GPR176: variants seen among roughly 807,000 people sequenced by gnomAD.
The protein encoded by GPR176 is G-protein coupled receptor 176.
A neutral mutation model predicts 35.4 loss-of-function variants in GPR176; 26 were observed. That is an observed-to-expected ratio of 0.74 (90% confidence interval 0.54 to 1.02). The LOEUF is 1.02. Ranked by LOEUF, GPR176 falls within the 50% of genes least tolerant of loss-of-function variation. The probability of loss-of-function intolerance (pLI) is 0.00; values close to 1 mark genes in which losing one functional copy is unlikely to be tolerated. For missense variants in GPR176, 597 were observed against 665.3 expected, an observed-to-expected ratio of 0.90 and a Z score of 1.13; for synonymous variants, 278 against 271.3, an observed-to-expected ratio of 1.02 and a Z score of -0.24.
chr15:39,884,051 C>T (rs1262683986), intron 1 of GPR176, among the ~76,000 whole-genome samples: 1 of 152,168 alleles, frequency 6.6e-6, no homozygotes, highest in Non-Finnish European at 1.5e-5. Flanking sequence ...AAAAGAACTC[C>T]AAACATCTCT....
chr15:39,843,230 C>A (rs1311438632), intron 1 of GPR176, among the ~76,000 whole-genome samples: 2 of 152,036 alleles, frequency 1.3e-5, no homozygotes, highest in Admixed American at 6.6e-5. Context: ...ATGTCCCATG[C>A]AAGTCCTAGA....
At position 39,910,488 on chromosome 15, in the gene GPR176, G is replaced by C. The variant is rs146762295; in HGVS notation, c.172+9367C>G. ...CAGGAGAATCACTTGAACCTTGGAG[G>C]GGGAGGTTGCAGTGAGCTGAGATCA... is the stretch of plus-strand genomic sequence containing the variant. On this transcript the variant is annotated intron_variant, in intron 1 of 2. Transcript: ENST00000561100. Among the ~76,000 whole-genome samples the C allele has an allele frequency of 2.7e-3, 406 of 152,048 alleles. 5 individuals are homozygous for C. The highest frequency in any genetic ancestry group is 0.023 in the East Asian group (117 of 5,166).
intron 1 of GPR176, among the ~76,000 whole-genome samples, chr15:39,892,996 A>G (rs2032931451): frequency 1.3e-5 from 2 of 152,230 alleles, no homozygotes; most frequent in Non-Finnish European, 2.9e-5. Context: ...TAAAATTACC[A>G]TACCATTTTA....
At chr15:39,839,071 T>A (rs1352529349) in intron 1 of GPR176, among the ~76,000 whole-genome samples, 3 of 152,182 alleles carry the variant, frequency 2.0e-5, no homozygotes, top group African/African-American at 7.2e-5. Flanking sequence ...CAAGGTAATT[T>A]ATAGATTCAG....
At position 39,801,566 on chromosome 15, in the gene GPR176, T is replaced by C. The variant is rs750891504; in HGVS notation, c.1114A>G (p.Met372Val). ...ATCTGCTGCTGCCCAATGTGGAACATCTCCAGGAGCTGGCTACCCGAGCGT... is the reference window on the plus strand; with the variant it reads ...ATCTGCTGCTGCCCAATGTGGAACACCTCCAGGAGCTGGCTACCCGAGCGT... Reference protein sequence around the residue: ...SIRSGSQLLEMFHIGQQQIFK... With the variant: ...SIRSGSQLLEVFHIGQQQIFK... Residue 372 changes from methionine to valine, a missense_variant, in exon 3 of 3, where the codon ATG (methionine) becomes GTG (valine). This residue lies in a region of GPR176 where 251 missense variants were observed against 255.4 expected (regional missense o/e 0.98). Coordinates refer to ENST00000561100, the MANE Select transcript of GPR176 (RefSeq NM_007223.3). The C allele has an allele frequency of 1.7e-5, 28 of 1,613,958 alleles. No individual in the cohort carries two copies. The highest frequency in any genetic ancestry group is 8.5e-7 in the Non-Finnish European group (1 of 1,179,966).
chr15:39,891,878 T>C (rs1476046967), intron 1 of GPR176, among the ~76,000 whole-genome samples: 2 of 152,130 alleles, frequency 1.3e-5, no homozygotes, highest in African/African-American at 4.8e-5. Flanking sequence ...ATACTAGTGC[T>C]CCAGGTAGAA....
chr15:39,861,580 T>C (rs1200963959), intron 1 of GPR176, among the ~76,000 whole-genome samples: 1 of 152,048 alleles, frequency 6.6e-6, no homozygotes, highest in Non-Finnish European at 1.5e-5. Flanking sequence ...TTAGTGTTGA[T>C]GTGTCTAAGA....
chr15:39,841,249 T>A (rs1484537738), intron 1 of GPR176, among the ~76,000 whole-genome samples: 1 of 152,148 alleles, frequency 6.6e-6, no homozygotes, highest in Non-Finnish European at 1.5e-5. Flanking sequence ...CCAATACATA[T>A]TGATGATGTC....
chr15:39,898,328 T>C (rs555883512), intron 1 of GPR176, among the ~76,000 whole-genome samples: 14 of 152,300 alleles, frequency 9.2e-5, no homozygotes, highest in Middle Eastern at 3.4e-3. Flanking sequence ...CACTACCATG[T>C]CAAGATAATA....
chr15:39,875,589 G>C (rs924242321), intron 1 of GPR176, among the ~76,000 whole-genome samples: 20 of 152,294 alleles, frequency 1.3e-4, no homozygotes, highest in Admixed American at 8.5e-4. Context: ...ACTGGATCAA[G>C]AGTCAGCAAA....
chr15:39,859,352 T>A (rs1027964776), intron 1 of GPR176, among the ~76,000 whole-genome samples: 2 of 151,968 alleles, frequency 1.3e-5, no homozygotes, highest in African/African-American at 4.8e-5. Flanking sequence ...GAAAAGGACT[T>A]GTGTAGACAT....
chr15:39,831,198 A>G (rs1187929344), intron 1 of GPR176, among the ~76,000 whole-genome samples: 1 of 152,178 alleles, frequency 6.6e-6, no homozygotes, highest in Non-Finnish European at 1.5e-5. Flanking sequence ...CTCAGCAGAT[A>G]AAGAATCTTC....
chr15:39,874,112 G>A (rs2032153541), intron 1 of GPR176, among the ~76,000 whole-genome samples: 1 of 152,184 alleles, frequency 6.6e-6, no homozygotes, highest in African/African-American at 2.4e-5. Flanking sequence ...CTCTATATGA[G>A]TTTCCACCAA....
At chr15:39,827,537 C>G (rs748403941) in intron 1 of GPR176, among the ~76,000 whole-genome samples, 1 of 152,194 alleles carries the variant, frequency 6.6e-6, no homozygotes, top group Non-Finnish European at 1.5e-5. Context: ...TTCTTCTATC[C>G]CACTGTGGCC....
chr15:39,887,750 A>G (rs1405284612), intron 1 of GPR176, among the ~76,000 whole-genome samples: 1 of 152,234 alleles, frequency 6.6e-6, no homozygotes, highest in Non-Finnish European at 1.5e-5. Context: ...TTTCAAGCGG[A>G]AAGATTCAAA....
intron 1 of GPR176, among the ~76,000 whole-genome samples, chr15:39,915,143 T>C (rs1254060512): frequency 6.6e-6 from 1 of 152,248 alleles, no homozygotes; most frequent in East Asian, 1.9e-4. Flanking sequence ...CTGCTCCAGC[T>C]GCTATAACAA....
chr15:39,907,345 T>C (rs2033451397), intron 1 of GPR176, among the ~76,000 whole-genome samples: 1 of 152,204 alleles, frequency 6.6e-6, no homozygotes, highest in Non-Finnish European at 1.5e-5. Context: ...TTATCTCCAT[T>C]TGGATGCCTG....
intron 1 of GPR176, among the ~76,000 whole-genome samples, chr15:39,874,015 G>A (rs550772653): frequency 6.6e-6 from 1 of 152,236 alleles, no homozygotes; most frequent in Non-Finnish European, 1.5e-5. Flanking sequence ...AAAACCTAAT[G>A]ACATGAAGAA....
intron 1 of GPR176, among the ~76,000 whole-genome samples, chr15:39,836,982 T>C (rs962582519): frequency 6.6e-6 from 1 of 152,182 alleles, no homozygotes. Context: ...GAAGTCATCA[T>C]ACACAGAGGG....
Sources: gnomAD v4.1 joint callset for allele counts (sites outside exome capture counted in the v4.1 genomes callset) on GRCh38, gnomAD v4.1.1 for gene constraint, gnomAD v4.1.1 regional missense constraint, MANE v1.5 for transcripts, NCBI Gene and HGNC (gene_info 2026-07-23, HGNC 2026-07-21) for gene names.